The following OR3A2 variants were observed in gnomAD, a reference collection of about 807,000 sequenced individuals.
The protein encoded by OR3A2 is olfactory receptor 3A2.
For missense variants in OR3A2, 318 were observed against 392.8 expected (o/e 0.81, Z 1.61); for synonymous variants, 126 against 159.3 (o/e 0.79, Z 1.57).
chr17:3,294,026 G>GGGGTGATA (rs2048899652), intron 3 of OR3A2, among the ~76,000 whole-genome samples: 1 of 152,000 alleles, frequency 6.6e-6, no homozygotes, highest in Admixed American at 6.6e-5. Context: ...CCTAGGTGAT[G>GGGGTGATA]GGGTGATAGG....
chr17:3,284,724 G>A (rs1244796997), upstream of OR3A2, among the ~76,000 whole-genome samples: 1 of 143,452 alleles, frequency 7.0e-6, no homozygotes, highest in African/African-American at 2.8e-5. Context: ...TGTCCGCTCT[G>A]CTTAATGTGG....
chr17:3,377,745 C>T (rs898958836), intron 2 of OR3A2: 2 of 152,190 alleles, frequency 1.3e-5, no homozygotes, highest in Admixed American at 6.5e-5. Context: ...ATGATATAAT[C>T]CAGTATGACA....
chr17:3,338,967 T>G lies in OR3A2; in HGVS notation c.-178-2841A>C, dbSNP rs551478491. 2.6e-5 allele frequency among the ~76,000 whole-genome samples: 4 copies of G among 152,316 alleles called. No individual in the cohort carries two copies. The South Asian group carries it at 8.3e-4, about 32-fold the overall frequency. On this transcript the variant is annotated intron_variant, in intron 2 of 4. Transcript: ENST00000573491. ...TTGAGCAGTGGTTTGTAGCTCTCCTTGAAGAGGTCCTTCACAACCTTTGTA... is the reference window on the plus strand; with the variant it reads ...TTGAGCAGTGGTTTGTAGCTCTCCTGGAAGAGGTCCTTCACAACCTTTGTA...
At chr17:3,296,619 T>C (rs2048920149) in intron 3 of OR3A2, among the ~76,000 whole-genome samples, 1 of 152,142 alleles carries the variant, frequency 6.6e-6, no homozygotes, top group Admixed American at 6.6e-5. Flanking sequence ...CACAATTACA[T>C]TAAAAGATTA....
At chr17:3,342,381 G>C (rs62091289) in intron 2 of OR3A2, among the ~76,000 whole-genome samples, 4 of 152,180 alleles carry the variant, frequency 2.6e-5, no homozygotes, top group Non-Finnish European at 4.4e-5. Flanking sequence ...TTTCTCCTCT[G>C]GTTTCTCCCC....
At chr17:3,290,787 G>C (rs2048858456) in intron 3 of OR3A2, among the ~76,000 whole-genome samples, 1 of 152,220 alleles carries the variant, frequency 6.6e-6, no homozygotes, top group Admixed American at 6.5e-5. Flanking sequence ...TATAGTTATG[G>C]ATTATCTCAG....
At chr17:3,277,596 G>C (rs1204976188) in exon 2 of OR3A2, 1 of 179,178 alleles carries the variant, frequency 5.6e-6, no homozygotes, top group Non-Finnish European at 1.2e-5. Context: ...AACTTGCACA[G>C]GGCTTGCTTG....
chr17:3,316,998 C>T (rs765625034), intron 3 of OR3A2, among the ~76,000 whole-genome samples: 1 of 152,176 alleles, frequency 6.6e-6, no homozygotes, highest in Non-Finnish European at 1.5e-5. Flanking sequence ...TCACCTACTA[C>T]ATAGTAAATA....
At position 3,311,380 on chromosome 17, in the gene OR3A2, C is replaced by A; in HGVS notation, c.-85+24653G>T. On this transcript the variant is annotated intron_variant, in intron 3 of 4. Transcript: ENST00000573491. The surrounding 1 kb of genome is among the most constrained non-coding windows in gnomAD (Gnocchi z 4.6). ...TGACCGCTACCTGGCTATCTGTCAG[C>A]TTCTCACCAACAGCACTCGCATGAG... 1.9e-6 allele frequency: 1 copy of A among 521,580 alleles called. No homozygotes were observed. The highest frequency in any genetic ancestry group is 1.4e-5 in the South Asian group (1 of 70,224). 32.3% of individuals were successfully genotyped at this position (521,580 alleles called of 1,614,324 possible). A position where few individuals can be genotyped will look rare whatever the true frequency, so the allele number is the denominator to read the frequency against.
upstream of OR3A2, among the ~76,000 whole-genome samples, chr17:3,286,400 G>A (rs961078167): frequency 1.1e-4 from 16 of 152,140 alleles, no homozygotes; most frequent in African/African-American, 3.6e-4. Context: ...CTTTATAGTA[G>A]AATGATTTAT....
chr17:3,357,981 G>A (rs963768211), intron 2 of OR3A2, among the ~76,000 whole-genome samples: 4 of 151,590 alleles, frequency 2.6e-5, no homozygotes, highest in Non-Finnish European at 4.4e-5. Context: ...GTTCAGAGAG[G>A]CCACTTAATA....
chr17:3,385,551 T>C (rs2049770550), intron 1 of OR3A2, among the ~76,000 whole-genome samples: 1 of 152,178 alleles, frequency 6.6e-6, no homozygotes, highest in Non-Finnish European at 1.5e-5. Flanking sequence ...TTTAAACTTA[T>C]TCACTGTATC....
intron 2 of OR3A2, among the ~76,000 whole-genome samples, chr17:3,367,425 A>C (rs1352945946): frequency 9.4e-5 from 14 of 148,204 alleles, no homozygotes; most frequent in African/African-American, 3.0e-4. Context: ...TTGCGTCCTC[A>C]TAGCTTAGCT....
intron 3 of OR3A2, among the ~76,000 whole-genome samples, chr17:3,331,448 A>G (rs963531710): frequency 1.5e-4 from 22 of 150,888 alleles, no homozygotes; most frequent in African/African-American, 4.9e-4. Flanking sequence ...TTCCCTTCTC[A>G]CTTCATTTCA....
At chr17:3,344,731 G>A (rs1434868130) in intron 2 of OR3A2, among the ~76,000 whole-genome samples, 1 of 152,018 alleles carries the variant, frequency 6.6e-6, no homozygotes, top group Non-Finnish European at 1.5e-5. Flanking sequence ...CTTTGGGTGG[G>A]GCTGCACACC....
At chr17:3,325,501 C>T (rs1365894491) in intron 3 of OR3A2, among the ~76,000 whole-genome samples, 1 of 152,026 alleles carries the variant, frequency 6.6e-6, no homozygotes, top group East Asian at 1.9e-4. Context: ...TGAGCCACCC[C>T]ACCCTGCCTG....
At chr17:3,292,391 G>T (rs1752648039) in intron 3 of OR3A2, 3 of 1,614,118 alleles carry the variant, frequency 1.9e-6, no homozygotes, top group Non-Finnish European at 2.5e-6. Flanking sequence ...TCCCCAGGAA[G>T]AAGTACATGG....
At position 3,311,629 on chromosome 17, in the gene OR3A2, A is replaced by T. The variant is rs541543888; in HGVS notation, c.-85+24404T>A. The T allele has an allele frequency of 2.9e-6, 1 of 344,680 alleles. No individual in the cohort carries two copies. The highest frequency in any genetic ancestry group is 5.9e-6 in the Non-Finnish European group (1 of 168,506). 21.4% of individuals were successfully genotyped at this position (344,680 alleles called of 1,614,324 possible). On this transcript the variant is annotated intron_variant, in intron 3 of 4. Transcript: ENST00000573491. This position sits in a 1 kb window ranked among gnomAD's most constrained non-coding sequence, Gnocchi z 4.6. The stretch of plus-strand genomic sequence containing the variant: ...CACCTTCATAGGAGTGATCCCCATG[A>T]TCTTTATCTCAGTGTCCTATGCCCA...
rs368264105 is a variant in OR3A2, at chr17:3,325,084, T to A, written c.-85+10949A>T. On this transcript the variant is annotated intron_variant, in intron 3 of 4. Transcript: ENST00000573491. ...TCTATTTTTTTTACTATTTTTATGATTTTGTTTTTTATATCTTATGTTTTA... is the reference window on the plus strand; with the variant it reads ...TCTATTTTTTTTACTATTTTTATGAATTTGTTTTTTATATCTTATGTTTTA... 3.9e-5 allele frequency among the ~76,000 whole-genome samples: 6 copies of A among 152,154 alleles called. No homozygotes were observed. In the South Asian group the frequency reaches 6.2e-4, roughly 16 times the overall value.
Sources: gnomAD v4.1 joint callset for allele counts (sites outside exome capture counted in the v4.1 genomes callset) on GRCh38, gnomAD v4.1.1 for gene constraint, Gnocchi (gnomAD v3.1) non-coding constraint, MANE v1.5 for transcripts, NCBI Gene and HGNC (gene_info 2026-07-23, HGNC 2026-07-21) for gene names.